Variants in LARGE1 observed in about 807,000 individuals in gnomAD.
LARGE1 encodes the protein LARGE xylosyl- and glucuronyltransferase 1, also known as xylosyl- and glucuronyltransferase LARGE1.
A neutral mutation model predicts 87.6 loss-of-function variants in LARGE1; 43 were observed. The observed-to-expected ratio is 0.49, with a 90% confidence interval of 0.38 to 0.63. The LOEUF is 0.63. Among genes scored for constraint, LARGE1 ranks in the 30% least tolerant of loss-of-function variants. The pLI is 0.00. For synonymous variants in LARGE1, 434 were observed against 394.6 expected (o/e 1.10, Z -1.18); for missense variants, 802 against 1,000.2 (o/e 0.80, Z 2.67).
intron 6 of LARGE1, among the ~76,000 whole-genome samples, chr22:33,509,696 C>T (rs1464684685): frequency 6.6e-6 from 1 of 152,164 alleles, no homozygotes; most frequent in Non-Finnish European, 1.5e-5. Context: ...AAGTGATCCT[C>T]CCACCTTGGC....
the LARGE1 span, among the ~76,000 whole-genome samples, chr22:33,148,468 A>G: frequency 6.6e-6 from 1 of 152,218 alleles, no homozygotes; most frequent in Non-Finnish European, 1.5e-5. Flanking sequence ...TTGTTTATCC[A>G]TTCCCTCACT....
intron 3 of LARGE1, among the ~76,000 whole-genome samples, chr22:33,648,980 G>A (rs938945417): frequency 1.4e-4 from 22 of 152,196 alleles, no homozygotes; most frequent in Non-Finnish European, 3.2e-4. Flanking sequence ...TGATGGAGTA[G>A]AACCACCTCC....
the LARGE1 span, among the ~76,000 whole-genome samples, chr22:33,077,585 T>C: frequency 3.3e-5 from 5 of 152,170 alleles, no homozygotes; most frequent in Non-Finnish European, 7.4e-5. Context: ...TAAAACGAGA[T>C]GAATTTCCAA....
intron 9 of LARGE1, among the ~76,000 whole-genome samples, chr22:33,350,480 C>T (rs1940259707): frequency 6.6e-6 from 1 of 152,158 alleles, no homozygotes; most frequent in African/African-American, 2.4e-5. Context: ...GACTGGAGGA[C>T]AGGCAGGCTA....
chr22:33,644,866 A>T (rs1376617117), intron 3 of LARGE1, among the ~76,000 whole-genome samples: 1 of 152,154 alleles, frequency 6.6e-6, no homozygotes, highest in Non-Finnish European at 1.5e-5. Flanking sequence ...GTTATGAAGG[A>T]CCTCTTCAAG....
chr22:33,771,590 T>C (rs1219440348), intron 1 of LARGE1, among the ~76,000 whole-genome samples: 2 of 152,148 alleles, frequency 1.3e-5, no homozygotes, highest in African/African-American at 4.8e-5. Flanking sequence ...CCACACTTTC[T>C]TTCTCTCCCT....
intron 1 of LARGE1, among the ~76,000 whole-genome samples, chr22:33,794,028 G>A (rs1175834237): frequency 1.3e-5 from 2 of 152,038 alleles, no homozygotes; most frequent in Non-Finnish European, 2.9e-5. Context: ...TTAATGTTGA[G>A]GGGAAAACAG....
intron 11 of LARGE1, among the ~76,000 whole-genome samples, chr22:33,241,915 G>A (rs1000634028): frequency 1.3e-5 from 2 of 149,520 alleles, no homozygotes; most frequent in Non-Finnish European, 2.9e-5. Flanking sequence ...TTAGACAAGA[G>A]GAATCAGCTT....
chr22:33,391,516 A>G (rs2065521486), intron 7 of LARGE1, among the ~76,000 whole-genome samples: 1 of 152,106 alleles, frequency 6.6e-6, no homozygotes, highest in Non-Finnish European at 1.5e-5. Flanking sequence ...CAGGAAGAAC[A>G]AAGGTCAAAC....
intron 4 of LARGE1, among the ~76,000 whole-genome samples, chr22:33,625,625 C>T (rs1569322140): frequency 6.6e-6 from 1 of 152,206 alleles, no homozygotes; most frequent in African/African-American, 2.4e-5. Flanking sequence ...CATTTATTTT[C>T]CCACTGTCTG....
intron 9 of LARGE1, among the ~76,000 whole-genome samples, chr22:33,359,106 C>A (rs183545414): frequency 1.1e-4 from 17 of 151,496 alleles, no homozygotes; most frequent in Admixed American, 9.8e-4. Flanking sequence ...AGAGTTCATG[C>A]AGAATAGCCC....
At chr22:33,719,606 C>T (rs1030322024) in intron 2 of LARGE1, among the ~76,000 whole-genome samples, 16 of 151,810 alleles carry the variant, frequency 1.1e-4, no homozygotes, top group East Asian at 5.8e-4. Context: ...TTGCAACCTC[C>T]GCCTCCCAGA....
intron 7 of LARGE1, among the ~76,000 whole-genome samples, chr22:33,395,260 A>AG (rs1226958687): frequency 6.7e-6 from 1 of 148,956 alleles, no homozygotes; most frequent in Admixed American, 6.7e-5. Context: ...CAGGAAAACT[A>AG]GGGCTTCCCT....
chr22:33,780,183 T>C (rs1224024818), intron 1 of LARGE1, among the ~76,000 whole-genome samples: 3 of 152,222 alleles, frequency 2.0e-5, no homozygotes, highest in Non-Finnish European at 4.4e-5. Flanking sequence ...CTGGTTGTAA[T>C]GGATTAAGGA....
intron 2 of LARGE1, among the ~76,000 whole-genome samples, chr22:33,660,859 CTGATT>C (rs2081101886): frequency 6.6e-6 from 1 of 152,166 alleles, no homozygotes; most frequent in Non-Finnish European, 1.5e-5. Context: ...GTTTTTTCCA[CTGATT>C]TAATTTTTTA....
intron 1 of LARGE1, among the ~76,000 whole-genome samples, chr22:33,824,579 ACACTCATT>A (rs2062728080): frequency 6.6e-6 from 1 of 152,180 alleles, no homozygotes. Flanking sequence ...TATCACTTAC[ACACTCATT>A]CATGTTATTC....
chr22:33,258,799 G>A (rs757620994), intron 11 of LARGE1, among the ~76,000 whole-genome samples: 7 of 151,954 alleles, frequency 4.6e-5, no homozygotes, highest in East Asian at 1.9e-4. Context: ...GGTCTGGATC[G>A]GGACCCCTTT....
downstream of LARGE1, among the ~76,000 whole-genome samples, chr22:33,157,815 CT>C (rs1921918246): frequency 6.6e-6 from 1 of 152,172 alleles, no homozygotes; most frequent in African/African-American, 2.4e-5. Flanking sequence ...GAAAAACTAG[CT>C]TTCACAAAAG....
Position 33,274,312 on chromosome 22 carries a change from A to G in LARGE1, c.*115T>C, listed in dbSNP as rs1032421476. ...GGCAGCTTGGCTGGGCCAAAGAGAT[A>G]AATAAAAACAAACCGAAAAAGCATG... On this transcript the variant is annotated 3_prime_UTR_variant, in exon 15 of 15. Transcript: ENST00000397394. The G allele has an allele frequency of 2.6e-6, 3 of 1,137,892 alleles. No individual in the cohort carries two copies. Among genetic ancestry groups the G allele is most frequent in the Non-Finnish European group, 4.0e-6 (3 of 753,706 alleles). The allele number at this position is 1,137,892 out of a possible 1,614,324, so 70.5% of individuals were successfully genotyped here. A position where few individuals can be genotyped will look rare whatever the true frequency, so the allele number is the denominator to read the frequency against.
Sources: gnomAD v4.1 joint callset for allele counts (sites outside exome capture counted in the v4.1 genomes callset) on GRCh38, gnomAD v4.1.1 for gene constraint, MANE v1.5 for transcripts, NCBI Gene and HGNC (gene_info 2026-07-23, HGNC 2026-07-21) for gene names.